The following MITD1 variants were observed in gnomAD, a reference collection of about 807,000 sequenced individuals.
MITD1 encodes the protein microtubule interacting and trafficking domain containing 1.
Under a neutral mutation model 34.9 loss-of-function variants are expected in MITD1, and 24 were observed. The observed-to-expected ratio is 0.69, with a 90% CI of 0.50 to 0.97. MITD1 has a LOEUF of 0.97. Among genes scored for constraint, MITD1 ranks in the 50% least tolerant of loss-of-function variants. The pLI, the probability that MITD1 is intolerant of heterozygous loss-of-function variation, is 0.00. For synonymous variants in MITD1, 102 were observed against 101.4 expected, an observed-to-expected ratio of 1.01 and a Z score of -0.04; for missense variants, 266 against 294.6, an observed-to-expected ratio of 0.90 and a Z score of 0.71.
At chr2:99,178,122 A>C (rs2093897623) in intron 1 of MITD1, among the ~76,000 whole-genome samples, 2 of 152,176 alleles carry the variant, frequency 1.3e-5, no homozygotes, top group Non-Finnish European at 2.9e-5. Context: ...TATCTTAGCT[A>C]TTATGAATAG....
At chr2:99,165,061 C>CACACACACACACATATAT (rs370053233), downstream of MITD1, among the ~76,000 whole-genome samples, 13 of 135,192 alleles carry the variant, frequency 9.6e-5, no homozygotes, top group African/African-American at 3.4e-4. Context: ...CACACACACA[C>CACACACACACACATATAT]ATATATATAT....
At position 99,180,953 on chromosome 2, in the gene MITD1, G is replaced by A. The variant is rs180906983; in HGVS notation, c.29C>T (p.Pro10Leu). The A allele has an allele frequency of 8.7e-6, 14 of 1,613,912 alleles. No individual in the cohort carries two copies. In the East Asian group the frequency reaches 1.6e-4, roughly 18 times the overall value. ...CACAGTGGCTGCAGCTGTGCTCTGC[G>A]GGTCCTGCCTCAGCCCGGACTTCGC... MAKSGLRQD[P>L]QSTAAATVLK... The change falls in exon 1 of 7, where the codon CCG becomes CTG. Residue 10 changes from proline to leucine, a missense_variant. By Grantham distance (98) the Pro-to-Leu change is moderately conservative. Coordinates refer to ENST00000289359, the MANE Select transcript of MITD1 (RefSeq NM_138798.3).
intron 4 of MITD1, chr2:99,170,919 C>T: frequency 3.6e-6 from 1 of 274,948 alleles, no homozygotes; most frequent in Non-Finnish European, 6.9e-6. Flanking sequence ...CCAGGTGGAG[C>T]TGACTGCTTT....
At chr2:99,179,102 A>C (rs2093901442) in intron 1 of MITD1, among the ~76,000 whole-genome samples, 1 of 152,126 alleles carries the variant, frequency 6.6e-6, no homozygotes, top group South Asian at 2.1e-4. Flanking sequence ...TATTCCCTGT[A>C]TTAGCGCTAT....
At chr2:99,167,757 T>C (rs1423592206), downstream of MITD1, among the ~76,000 whole-genome samples, 1 of 152,198 alleles carries the variant, frequency 6.6e-6, no homozygotes, top group Non-Finnish European at 1.5e-5. Context: ...GTTCAAGTGT[T>C]TTCCTGAGAC....
In MITD1 at chr2:99,180,974, T is replaced by C; in HGVS notation, c.8A>G (p.Lys3Arg). 6.2e-7 allele frequency: 1 copy of C among 1,613,364 alleles called. No homozygotes were observed. Among genetic ancestry groups the C allele is most frequent in the Non-Finnish European group, 8.5e-7 (1 of 1,179,554 alleles). Residue 3 changes from lysine to arginine, a missense_variant, in exon 1 of 7, where the codon AAG (lysine) becomes AGG (arginine). Coordinates refer to ENST00000289359, the MANE Select transcript of MITD1 (RefSeq NM_138798.3). MA[K>R]SGLRQDPQST... Reference sequence around the variant, plus strand: ...CTGCGGGTCCTGCCTCAGCCCGGACTTCGCCATAATTCTGGAAGTTCTCCT... The same window carrying C: ...CTGCGGGTCCTGCCTCAGCCCGGACCTCGCCATAATTCTGGAAGTTCTCCT...
intron 5 of MITD1, 72 bp downstream of exon 5, chr2:99,170,465 T>G: frequency 2.3e-6 from 1 of 438,048 alleles, no homozygotes. Flanking sequence ...TATAGGCAAT[T>G]ATATAAAACA....
chr2:99,174,192 A>G (rs2093874329), intron 1 of MITD1, among the ~76,000 whole-genome samples, 176 bp from the exon 2 acceptor site: 1 of 152,122 alleles, frequency 6.6e-6, no homozygotes, highest in South Asian at 2.1e-4. Flanking sequence ...AGACCTTCAT[A>G]TTTACACGAA....
At chr2:99,162,012 G>T in exon 8 of MITD1, 1 of 1,613,424 alleles carries the variant, frequency 6.2e-7, no homozygotes, top group South Asian at 1.1e-5. Context: ...TAACTGCCAG[G>T]TCCCAGCAGC....
downstream of MITD1, chr2:99,161,909 T>A (rs770213925): frequency 7.0e-7 from 1 of 1,431,854 alleles, no homozygotes; most frequent in Admixed American, 2.2e-5. Context: ...TAGAATTTAA[T>A]GTTCCTTTTC....
At chr2:99,161,800 T>G, downstream of MITD1, 1 of 554,274 alleles carries the variant, frequency 1.8e-6, no homozygotes, top group East Asian at 2.9e-5. Context: ...TACTTGGTTA[T>G]AGCATTGCTA....
exon 8 of MITD1, chr2:99,162,072 A>G (rs1270005816): frequency 1.2e-6 from 2 of 1,614,044 alleles, no homozygotes; most frequent in African/African-American, 2.7e-5. Context: ...GTCAATTTCC[A>G]ATGATGTCTA....
chr2:99,177,364 C>T (rs983357538), intron 1 of MITD1, among the ~76,000 whole-genome samples: 6 of 152,162 alleles, frequency 3.9e-5, no homozygotes, highest in African/African-American at 1.2e-4. Flanking sequence ...ATACTGGTAT[C>T]ATCTCCCTGG....
downstream of MITD1, among the ~76,000 whole-genome samples, chr2:99,168,133 TTTTTA>T (rs2093835398): frequency 6.6e-6 from 1 of 152,080 alleles, no homozygotes. Flanking sequence ...TAGCTGGGTT[TTTTTA>T]TTTGTTTCTT....
downstream of MITD1, among the ~76,000 whole-genome samples, chr2:99,168,946 A>ATTTT (rs1175310553): frequency 7.3e-4 from 36 of 49,328 alleles, 1 homozygote; most frequent in Admixed American, 1.3e-3. Flanking sequence ...TGCCCGGCTA[A>ATTTT]TTTTTTTTTT....
chr2:99,171,265 C>G, intron 4 of MITD1, 78 bp downstream of exon 4: 1 of 1,042,752 alleles, frequency 9.6e-7, no homozygotes, highest in Non-Finnish European at 1.5e-6. Context: ...AGCACTGCAT[C>G]TGTGTTCTCC....
At chr2:99,174,608 T>C (rs923985867) in intron 1 of MITD1, among the ~76,000 whole-genome samples, 2 of 152,200 alleles carry the variant, frequency 1.3e-5, no homozygotes, top group Non-Finnish European at 2.9e-5. Context: ...TTGTTTGTTT[T>C]GAGACGGAAT....
At chr2:99,179,255 C>T (rs192799936) in intron 1 of MITD1, among the ~76,000 whole-genome samples, 1 of 152,300 alleles carries the variant, frequency 6.6e-6, no homozygotes, top group East Asian at 1.9e-4. Context: ...TTCCACCTGA[C>T]CAACACAGTA....
chr2:99,180,970 G>T lies in MITD1; in HGVS notation c.12C>A (p.Ser4=), dbSNP rs369111031. The stretch of plus-strand genomic sequence containing the variant: ...TGCTCTGCGGGTCCTGCCTCAGCCC[G>T]GACTTCGCCATAATTCTGGAAGTTC... MAK[S]GLRQDPQSTA... Residue 4 remains serine (S), a synonymous_variant, in exon 1 of 7, where the codon TCC becomes TCA. Transcript: ENST00000289359. 6 of 1,613,214 alleles carry T rather than the reference G, an allele frequency of 3.7e-6. No individual in the cohort carries two copies. Among genetic ancestry groups the T allele is most frequent in the Non-Finnish European group, 5.1e-6 (6 of 1,179,614 alleles).
Sources: gnomAD v4.1 joint callset for allele counts (sites outside exome capture counted in the v4.1 genomes callset) on GRCh38, gnomAD v4.1.1 for gene constraint, MANE v1.5 for transcripts, NCBI Gene and HGNC (gene_info 2026-07-23, HGNC 2026-07-21) for gene names.